The following ST8SIA4 variants were observed in gnomAD, a reference collection of about 807,000 sequenced individuals.
ST8SIA4 encodes the protein ST8 alpha-N-acetyl-neuraminide alpha-2,8-sialyltransferase 4, also known as CMP-N-acetylneuraminate-poly-alpha-2,8-sialyltransferase.
A neutral mutation model predicts 33.9 loss-of-function variants in ST8SIA4; 15 were observed. The observed-to-expected ratio is 0.44, with a 90% CI of 0.30 to 0.68. The LOEUF (loss-of-function observed/expected upper bound fraction) is 0.68, where lower values mean the gene tolerates loss of function less well. Among genes scored for constraint, ST8SIA4 ranks in the 30% least tolerant of loss-of-function variants. The pLI is 0.10. For missense variants in ST8SIA4, 321 were observed against 428.0 expected (o/e 0.75, Z 2.21); for synonymous variants, 171 against 151.2 (o/e 1.13, Z -0.96).
At chr5:100,874,653 T>G (rs539452838) in intron 3 of ST8SIA4, among the ~76,000 whole-genome samples, 1 of 152,162 alleles carries the variant, frequency 6.6e-6, no homozygotes, top group South Asian at 2.1e-4. Flanking sequence ...GATACCATCA[T>G]GGCTCACTGC....
At position 100,851,964 on chromosome 5, in the gene ST8SIA4, GTTA is replaced by G. The variant is rs541793773; in HGVS notation, c.797+4136_797+4138del. 2.3e-3 allele frequency among the ~76,000 whole-genome samples: 353 copies of G among 151,652 alleles called. 5 individuals are homozygous for G. The highest frequency in any genetic ancestry group is 3.5e-3 in the South Asian group (17 of 4,814). ...ATAAAACTGTCATTAATTTAAACAG[GTTA>G]TTAAGATATTAAGTTGTATATTAAT... On this transcript the variant is annotated intron_variant, in intron 4 of 4. Transcript: ENST00000231461.
chr5:100,871,391 T>C (rs1047044750), intron 3 of ST8SIA4, among the ~76,000 whole-genome samples: 1 of 152,108 alleles, frequency 6.6e-6, no homozygotes, highest in African/African-American at 2.4e-5. Context: ...ATAATATATC[T>C]TTACCATATT....
chr5:100,863,238 G>T (rs1467188159), intron 3 of ST8SIA4, among the ~76,000 whole-genome samples: 2 of 152,122 alleles, frequency 1.3e-5, no homozygotes, highest in East Asian at 3.8e-4. Flanking sequence ...GAAAATAAAA[G>T]GTTGATTCTG....
chr5:100,865,936 G>A (rs1307073266), intron 3 of ST8SIA4, among the ~76,000 whole-genome samples: 1 of 151,998 alleles, frequency 6.6e-6, no homozygotes, highest in Non-Finnish European at 1.5e-5. Flanking sequence ...CTAATTATGA[G>A]AATTCTGTTT....
intron 4 of ST8SIA4, among the ~76,000 whole-genome samples, chr5:100,848,745 C>CA (rs554721643): frequency 1.1e-4 from 16 of 150,272 alleles, no homozygotes; most frequent in African/African-American, 3.6e-4. Context: ...TGACATTTAT[C>CA]AAAAAAGTTA....
chr5:100,856,055 A>G, intron 4 of ST8SIA4, 48 bp downstream of exon 4: 1 of 1,543,066 alleles, frequency 6.5e-7, no homozygotes. Flanking sequence ...GTTTAGTTAT[A>G]TGTGTTCCAC....
chr5:100,902,500 G>T (rs1752942607), intron 1 of ST8SIA4, among the ~76,000 whole-genome samples: 1 of 152,142 alleles, frequency 6.6e-6, no homozygotes, highest in South Asian at 2.1e-4. Flanking sequence ...CAACCGTTTG[G>T]TGAATAAAGA....
chr5:100,883,918 A>G (rs1301871243), intron 3 of ST8SIA4, among the ~76,000 whole-genome samples: 1 of 152,184 alleles, frequency 6.6e-6, no homozygotes, highest in Non-Finnish European at 1.5e-5. Context: ...AAAATGGACT[A>G]ATACACCACT....
chr5:100,901,916 G>GA (rs1252002130), intron 1 of ST8SIA4, among the ~76,000 whole-genome samples: 4 of 152,268 alleles, frequency 2.6e-5, no homozygotes, highest in African/African-American at 9.6e-5. Flanking sequence ...CAATGTCAGA[G>GA]AAAAATATAA....
intron 4 of ST8SIA4, among the ~76,000 whole-genome samples, chr5:100,846,772 T>G (rs1580459765): frequency 6.6e-6 from 1 of 152,244 alleles, no homozygotes; most frequent in African/African-American, 2.4e-5. Flanking sequence ...AGCCTTTTAG[T>G]CTCAGTGAGA....
At chr5:100,822,434 C>CA (rs1453914496) in intron 4 of ST8SIA4, among the ~76,000 whole-genome samples, 2 of 152,180 alleles carry the variant, frequency 1.3e-5, no homozygotes, top group Non-Finnish European at 2.9e-5. Context: ...AGAATGGAGT[C>CA]AGCCCTCAGA....
intron 1 of ST8SIA4, among the ~76,000 whole-genome samples, chr5:100,898,155 T>A (rs557247746): frequency 6.6e-6 from 1 of 152,172 alleles, no homozygotes; most frequent in Non-Finnish European, 1.5e-5. Flanking sequence ...AATAAAAATA[T>A]GCATGGGCTT....
At chr5:100,842,185 A>ATATTTTG (rs1263608876) in intron 4 of ST8SIA4, among the ~76,000 whole-genome samples, 4 of 151,894 alleles carry the variant, frequency 2.6e-5, no homozygotes, top group Admixed American at 1.3e-4. Context: ...CATTACTAAA[A>ATATTTTG]TATTTGTATT....
At chr5:100,814,754 G>A (rs1561382273) in intron 4 of ST8SIA4, among the ~76,000 whole-genome samples, 1 of 151,846 alleles carries the variant, frequency 6.6e-6, no homozygotes. Flanking sequence ...TTGCAATTCG[G>A]TATTAAACCA....
intron 4 of ST8SIA4, among the ~76,000 whole-genome samples, chr5:100,814,500 T>C (rs964939366): frequency 2.0e-5 from 3 of 151,920 alleles, no homozygotes; most frequent in Non-Finnish European, 4.4e-5. Context: ...CAACACAAAA[T>C]AAATGCCACT....
At chr5:100,900,540 A>C (rs1406307693) in intron 1 of ST8SIA4, 2 of 455,688 alleles carry the variant, frequency 4.4e-6, no homozygotes, top group Admixed American at 2.4e-5. Flanking sequence ...GAGAAAAAGG[A>C]AAGTGCTCAG....
chr5:100,887,010 A>C (rs922532630), intron 2 of ST8SIA4, among the ~76,000 whole-genome samples: 1 of 152,060 alleles, frequency 6.6e-6, no homozygotes, highest in African/African-American at 2.4e-5. Context: ...CATCTAGTTA[A>C]GGTGGAGAGA....
chr5:100,891,255 T>G (rs558173552), intron 2 of ST8SIA4, among the ~76,000 whole-genome samples: 119 of 151,646 alleles, frequency 7.8e-4, no homozygotes, highest in African/African-American at 2.8e-3. Context: ...AGGAATCAGT[T>G]TTTGCAAACT....
chr5:100,841,280 C>A (rs142783687), intron 4 of ST8SIA4, among the ~76,000 whole-genome samples: 1 of 151,678 alleles, frequency 6.6e-6, no homozygotes, highest in Non-Finnish European at 1.5e-5. Context: ...GGGATCAACA[C>A]AAATTTTTAT....
Sources: gnomAD v4.1 joint callset for allele counts (sites outside exome capture counted in the v4.1 genomes callset) on GRCh38, gnomAD v4.1.1 for gene constraint, MANE v1.5 for transcripts, NCBI Gene and HGNC (gene_info 2026-07-23, HGNC 2026-07-21) for gene names.